L3MBTL4: variants seen among roughly 807,000 people sequenced by gnomAD.
The protein encoded by L3MBTL4 is L3MBTL histone methyl-lysine binding protein 4.
In L3MBTL4, 70 loss-of-function variants were observed where a neutral mutation model predicts 84.5. The ratio of observed to expected loss-of-function variants is 0.83; its 90% CI spans 0.68 to 1.01. The LOEUF (loss-of-function observed/expected upper bound fraction) is 1.01. Among genes scored for constraint, L3MBTL4 ranks in the 50% least tolerant of loss-of-function variants. The pLI is 0.00. For synonymous variants in L3MBTL4, 274 were observed against 259.8 expected, an observed-to-expected ratio of 1.05 and a Z score of -0.52; for missense variants, 715 against 754.8, an observed-to-expected ratio of 0.95 and a Z score of 0.62.
intron 16 of L3MBTL4, among the ~76,000 whole-genome samples, chr18:6,077,563 AAAG>A (rs1459151730): frequency 2.6e-5 from 4 of 152,202 alleles, no homozygotes; most frequent in Non-Finnish European, 2.9e-5. Context: ...ATGATTTTTA[AAAG>A]AAGTTTTCCA....
chr18:6,166,746 C>CATTTAAATTATGT (rs2043680848), intron 13 of L3MBTL4, among the ~76,000 whole-genome samples: 1 of 151,936 alleles, frequency 6.6e-6, no homozygotes, highest in African/African-American at 2.4e-5. Context: ...AAAATTGACA[C>CATTTAAATTATGT]CCTAACATAA....
At position 5,967,460 on chromosome 18, in the gene L3MBTL4, C is replaced by T. The variant is rs2052410741; in HGVS notation, c.1614+1933G>A. Among the ~76,000 whole-genome samples, 3 of 152,256 alleles carry T rather than the reference C, an allele frequency of 2.0e-5. No homozygotes were observed. In the South Asian group the frequency reaches 6.2e-4, roughly 31 times the overall value. Reference sequence around the variant, plus strand: ...TGTGAAACTCACTTCCATGCAGCCACCTCTGTTTCCCCATCAACTGAAATG... The same window carrying T: ...TGTGAAACTCACTTCCATGCAGCCATCTCTGTTTCCCCATCAACTGAAATG... On this transcript the variant is annotated intron_variant, in intron 17 of 18. Coordinates refer to ENST00000317931, the MANE Select transcript of L3MBTL4 (RefSeq NM_001330559.2).
At chr18:6,095,255 A>G (rs1204651903) in intron 14 of L3MBTL4, among the ~76,000 whole-genome samples, 1 of 152,188 alleles carries the variant, frequency 6.6e-6, no homozygotes, top group African/African-American at 2.4e-5. Flanking sequence ...AGTGTAAGCA[A>G]CTTTACCAAG....
At chr18:6,003,441 A>C (rs1644595953) in intron 16 of L3MBTL4, among the ~76,000 whole-genome samples, 1 of 151,994 alleles carries the variant, frequency 6.6e-6, no homozygotes, top group East Asian at 1.9e-4. Flanking sequence ...TAAATAGACT[A>C]TTCTCAAATA....
intron 18 of L3MBTL4, among the ~76,000 whole-genome samples, chr18:5,958,151 G>C (rs567488964): frequency 1.0e-3 from 69 of 66,734 alleles, no homozygotes; most frequent in Middle Eastern, 4.8e-3. Flanking sequence ...AGAAGAAGAA[G>C]AAGAAGAACA....
At chr18:6,109,755 A>G (rs1215087625) in intron 14 of L3MBTL4, among the ~76,000 whole-genome samples, 3 of 152,186 alleles carry the variant, frequency 2.0e-5, no homozygotes, top group African/African-American at 7.2e-5. Context: ...CATGCAGAGG[A>G]TCCCTAACAA....
chr18:6,409,127 C>T (rs745994859), intron 1 of L3MBTL4, among the ~76,000 whole-genome samples: 51 of 152,156 alleles, frequency 3.4e-4, no homozygotes, highest in Non-Finnish European at 5.7e-4. Context: ...TACACAGCAC[C>T]AAGTGAGTGT....
chr18:6,045,942 CAAA>C (rs2056601921), intron 16 of L3MBTL4, among the ~76,000 whole-genome samples: 1 of 152,058 alleles, frequency 6.6e-6, no homozygotes. Flanking sequence ...CACAGAGTTG[CAAA>C]TTGGACAAAG....
chr18:6,193,355 A>C (rs151107717), intron 12 of L3MBTL4, among the ~76,000 whole-genome samples: 2 of 152,200 alleles, frequency 1.3e-5, no homozygotes, highest in African/African-American at 4.8e-5. Flanking sequence ...TACAGTTTGA[A>C]GACACGAGAG....
chr18:6,191,699 C>T (rs1025010758), intron 12 of L3MBTL4, among the ~76,000 whole-genome samples: 5 of 152,086 alleles, frequency 3.3e-5, no homozygotes, highest in Admixed American at 6.6e-5. Context: ...TGATATGACT[C>T]GGCATTGGGC....
chr18:6,013,000 A>C (rs2054805053), intron 16 of L3MBTL4, among the ~76,000 whole-genome samples: 1 of 152,148 alleles, frequency 6.6e-6, no homozygotes, highest in Non-Finnish European at 1.5e-5. Context: ...ATCGCAGCAC[A>C]GTTCCTCAGG....
At chr18:6,061,400 A>G (rs2057213829) in intron 16 of L3MBTL4, among the ~76,000 whole-genome samples, 1 of 151,910 alleles carries the variant, frequency 6.6e-6, no homozygotes, top group Non-Finnish European at 1.5e-5. Flanking sequence ...TTTCTTAGAT[A>G]TATGTTTTGC....
intron 1 of L3MBTL4, among the ~76,000 whole-genome samples, chr18:6,374,973 G>A (rs939834568): frequency 3.3e-5 from 5 of 152,138 alleles, no homozygotes; most frequent in Non-Finnish European, 5.9e-5. Flanking sequence ...TTCATATTCT[G>A]AAGAAATTCC....
chr18:6,247,318 G>A (rs928558145), intron 5 of L3MBTL4, among the ~76,000 whole-genome samples: 2 of 151,868 alleles, frequency 1.3e-5, no homozygotes, highest in South Asian at 2.1e-4. Flanking sequence ...CCCATACACC[G>A]CCTGCAAAGC....
chr18:6,233,524 T>C (rs1248919829), intron 10 of L3MBTL4, among the ~76,000 whole-genome samples: 11 of 146,586 alleles, frequency 7.5e-5, no homozygotes, highest in Non-Finnish European at 1.5e-4. Context: ...TATACACCAA[T>C]AACAGACAGA....
intron 5 of L3MBTL4, among the ~76,000 whole-genome samples, chr18:6,262,766 C>T (rs1013501378): frequency 1.3e-5 from 2 of 152,136 alleles, no homozygotes; most frequent in African/African-American, 4.8e-5. Context: ...AGCATACCAC[C>T]TAGACAACAA....
intron 4 of L3MBTL4, among the ~76,000 whole-genome samples, chr18:6,283,484 T>C (rs986336682): frequency 6.6e-6 from 1 of 152,156 alleles, no homozygotes; most frequent in Non-Finnish European, 1.5e-5. Context: ...CTAAAGGAAA[T>C]ATTATTTAAT....
At chr18:5,965,632 G>T (rs988202006) in intron 17 of L3MBTL4, among the ~76,000 whole-genome samples, 4 of 152,104 alleles carry the variant, frequency 2.6e-5, no homozygotes, top group Non-Finnish European at 5.9e-5. Context: ...TACTCACTGG[G>T]GTCCCCTAAG....
intron 1 of L3MBTL4, among the ~76,000 whole-genome samples, chr18:6,379,826 C>A (rs2054523940): frequency 6.6e-6 from 1 of 152,148 alleles, no homozygotes; most frequent in Non-Finnish European, 1.5e-5. Context: ...ATGATGCTGG[C>A]CTCATAAAAT....
Sources: gnomAD v4.1 joint callset for allele counts (sites outside exome capture counted in the v4.1 genomes callset) on GRCh38, gnomAD v4.1.1 for gene constraint, MANE v1.5 for transcripts, NCBI Gene and HGNC (gene_info 2026-07-23, HGNC 2026-07-21) for gene names.